The following GSE1 variants were observed in gnomAD, a reference collection of about 807,000 sequenced individuals.
GSE1 encodes genetic suppressor element 1.
GSE1 carries 32 observed loss-of-function variants against 112.6 expected under a neutral mutation model. The ratio of observed to expected loss-of-function variants is 0.28; its 90% CI spans 0.21 to 0.38. GSE1 has a LOEUF of 0.38. Ranked by LOEUF, GSE1 falls within the 10% of genes least tolerant of loss-of-function variation. The pLI, the probability that GSE1 is intolerant of heterozygous loss-of-function variation, is 1.00. For missense variants in GSE1, 2,348 were observed against 1,699.2 expected, an observed-to-expected ratio of 1.38 and a Z score of -6.71; for synonymous variants, 1,115 against 735.6, an observed-to-expected ratio of 1.52 and a Z score of -8.35.
intron 1 of GSE1, among the ~76,000 whole-genome samples, chr16:85,286,633 C>T (rs908223657): frequency 9.9e-5 from 15 of 151,996 alleles, no homozygotes; most frequent in Non-Finnish European, 5.9e-5. Flanking sequence ...TTGGGCTTGC[C>T]AGAAATTATT....
intron 1 of GSE1, among the ~76,000 whole-genome samples, chr16:85,269,892 G>T (rs760621693): frequency 6.7e-6 from 1 of 149,634 alleles, no homozygotes; most frequent in Admixed American, 6.6e-5. Flanking sequence ...ACCCGAGGCA[G>T]CGCCGACATG....
In GSE1 at chr16:85,440,636, C is replaced by T. The variant is rs72798946; in HGVS notation, c.2464+82993C>T. 2.3e-3 allele frequency among the ~76,000 whole-genome samples: 347 copies of T among 152,368 alleles called. 1 individual carries two copies. The highest frequency in any genetic ancestry group is 3.3e-3 in the Non-Finnish European group (224 of 68,030). On this transcript the variant is annotated intron_variant, in intron 2 of 2. Coordinates refer to the GSE1 transcript ENST00000637419. Reference sequence around the variant, plus strand: ...GCTGGGGTCAGTGGTCACTGGTCAGCTGGATGCTAACCTGACTGGGTCTCA... The same window carrying T: ...GCTGGGGTCAGTGGTCACTGGTCAGTTGGATGCTAACCTGACTGGGTCTCA...
At chr16:85,439,378 C>A (rs1429929633) in intron 2 of GSE1, among the ~76,000 whole-genome samples, 3 of 152,250 alleles carry the variant, frequency 2.0e-5, no homozygotes, top group Admixed American at 6.5e-5. Flanking sequence ...TTGATTCCTG[C>A]CATCTGGCTC....
intron 2 of GSE1, among the ~76,000 whole-genome samples, chr16:85,526,318 G>A (rs1387429433): frequency 1.3e-5 from 2 of 152,262 alleles, no homozygotes; most frequent in South Asian, 2.1e-4. Context: ...GGGCGTGCAA[G>A]GCAATGTTGG....
At chr16:85,178,170 T>C (rs2143246415) in intron 1 of GSE1, among the ~76,000 whole-genome samples, 1 of 152,234 alleles carries the variant, frequency 6.6e-6, no homozygotes, top group South Asian at 2.1e-4. Context: ...TGAGAGCCTA[T>C]GGCAGGGTGA....
At chr16:85,397,707 C>T (rs2048000521) in intron 2 of GSE1, among the ~76,000 whole-genome samples, 1 of 152,266 alleles carries the variant, frequency 6.6e-6, no homozygotes, top group Non-Finnish European at 1.5e-5. Context: ...GTCAGCCTCA[C>T]ACCTGCATCG....
At chr16:85,300,513 C>G (rs545998390) in intron 1 of GSE1, among the ~76,000 whole-genome samples, 8 of 152,316 alleles carry the variant, frequency 5.3e-5, no homozygotes, top group Non-Finnish European at 1.0e-4. Context: ...GCTGCCTGTC[C>G]GGACATTTCA....
chr16:85,464,991 CAG>C (rs1467990804), intron 2 of GSE1, among the ~76,000 whole-genome samples: 1 of 152,220 alleles, frequency 6.6e-6, no homozygotes, highest in African/African-American at 2.4e-5. Context: ...GGTGAGGAAA[CAG>C]TGTGCTCGTT....
chr16:85,179,581 G>T (rs1395867630), intron 1 of GSE1, among the ~76,000 whole-genome samples: 1 of 152,148 alleles, frequency 6.6e-6, no homozygotes, highest in Non-Finnish European at 1.5e-5. Context: ...CCCGTTGGGG[G>T]TTTTCAGCAG....
intron 11 of GSE1, among the ~76,000 whole-genome samples, chr16:85,663,920 G>A (rs138395915): frequency 6.6e-5 from 10 of 152,394 alleles, no homozygotes; most frequent in African/African-American, 2.4e-4. Context: ...ACCACCAGGC[G>A]TGAGGGGAGG....
chr16:85,234,069 G>C (rs11149725), intron 1 of GSE1, among the ~76,000 whole-genome samples: 75,208 of 151,930 alleles, frequency 0.5, 18,936 homozygotes, highest in African/African-American at 0.57. Context: ...AGACCAGGGC[G>C]AGGGAATCTG....
intron 1 of GSE1, among the ~76,000 whole-genome samples, chr16:85,337,901 T>C (rs1399042911): frequency 6.6e-6 from 1 of 152,246 alleles, no homozygotes; most frequent in Non-Finnish European, 1.5e-5. Context: ...AAAGCCTCCG[T>C]ATTGGTCTCA....
chr16:85,349,808 C>T (rs2046817338), intron 1 of GSE1, among the ~76,000 whole-genome samples: 1 of 152,216 alleles, frequency 6.6e-6, no homozygotes, highest in Non-Finnish European at 1.5e-5. Context: ...ATAAATCAGC[C>T]TCAGCCCATC....
At chr16:85,631,913 G>T (rs2049568795) in intron 1 of GSE1, among the ~76,000 whole-genome samples, 2 of 152,268 alleles carry the variant, frequency 1.3e-5, no homozygotes, top group Admixed American at 1.3e-4. Context: ...GGCACTGATG[G>T]CAGCCCGGTG....
intron 1 of GSE1, among the ~76,000 whole-genome samples, chr16:85,316,137 C>A (rs750524519): frequency 1.3e-5 from 2 of 152,244 alleles, no homozygotes; most frequent in Admixed American, 6.5e-5. Flanking sequence ...GCCACGAGCT[C>A]CCTGAGTAAC....
intron 2 of GSE1, among the ~76,000 whole-genome samples, chr16:85,467,697 A>C (rs974839865): frequency 5.9e-5 from 9 of 152,226 alleles, no homozygotes; most frequent in Admixed American, 2.0e-4. Context: ...GGGATCACGC[A>C]GCATCACTTC....
chr16:85,496,457 C>T (rs1031263353), intron 2 of GSE1, among the ~76,000 whole-genome samples: 3 of 152,214 alleles, frequency 2.0e-5, no homozygotes, highest in African/African-American at 7.2e-5. Flanking sequence ...TTACTGTGCC[C>T]GGGAGACCAG....
chr16:85,461,729 G>A (rs1389325645), intron 2 of GSE1, among the ~76,000 whole-genome samples: 7 of 152,144 alleles, frequency 4.6e-5, no homozygotes, highest in African/African-American at 7.2e-5. Context: ...CCCGTGCTGC[G>A]TGAAGCTCCA....
chr16:85,535,677 C>G (rs536368770), intron 2 of GSE1, among the ~76,000 whole-genome samples: 27 of 152,270 alleles, frequency 1.8e-4, no homozygotes, highest in African/African-American at 6.3e-4. Context: ...GGTCCTATCA[C>G]TGACCTGGAG....
Sources: gnomAD v4.1 joint callset for allele counts (sites outside exome capture counted in the v4.1 genomes callset) on GRCh38, gnomAD v4.1.1 for gene constraint, MANE v1.5 for transcripts, NCBI Gene and HGNC (gene_info 2026-07-23, HGNC 2026-07-21) for gene names.